The following DNAJC13 variants were observed in gnomAD, a reference collection of about 807,000 sequenced individuals.
DNAJC13 encodes the protein DnaJ heat shock protein family (Hsp40) member C13.
A neutral mutation model predicts 290.5 loss-of-function variants in DNAJC13; 75 were observed. The ratio of observed to expected loss-of-function variants is 0.26; its 90% confidence interval spans 0.21 to 0.31. DNAJC13 has a LOEUF of 0.31. Among genes scored for constraint, DNAJC13 ranks in the 10% least tolerant of loss-of-function variants. The pLI, the probability that DNAJC13 is intolerant of heterozygous loss-of-function variation, is 1.00. For missense variants in DNAJC13, 2,260 were observed against 2,674.5 expected, an observed-to-expected ratio of 0.85 and a Z score of 3.42; for synonymous variants, 862 against 892.0, an observed-to-expected ratio of 0.97 and a Z score of 0.60.
At chr3:132,526,706 A>G (rs1936267521) in intron 53 of DNAJC13, among the ~76,000 whole-genome samples, 1 of 152,234 alleles carries the variant, frequency 6.6e-6, no homozygotes, top group South Asian at 2.1e-4. Context: ...AGTCATGTTT[A>G]AGAAACATGC....
chr3:132,431,452 G>A (rs1462908440), intron 1 of DNAJC13, among the ~76,000 whole-genome samples: 2 of 152,096 alleles, frequency 1.3e-5, no homozygotes, highest in Non-Finnish European at 2.9e-5. Context: ...TCATTGGAAA[G>A]GTGACATTTG....
chr3:132,466,920 CCTT>C (rs1401014991), intron 19 of DNAJC13, among the ~76,000 whole-genome samples: 2 of 152,170 alleles, frequency 1.3e-5, no homozygotes, highest in Non-Finnish European at 2.9e-5. Context: ...TGTCATCACT[CCTT>C]CTCTGTCTGC....
rs529425668 is a variant in DNAJC13 at position 132,529,359 on chromosome 3, T to A, written c.6525+1027T>A. Among the ~76,000 whole-genome samples the A allele has an allele frequency of 1.4e-4, 22 of 152,336 alleles. No individual in the cohort carries two copies. In the South Asian group the frequency reaches 4.6e-3, roughly 32 times the overall value. On this transcript the variant is annotated intron_variant, in intron 54 of 55. Coordinates refer to ENST00000260818, the MANE Select transcript of DNAJC13 (RefSeq NM_015268.4). ...TGATGGACATTTGGGTTATTTCCCC[T>A]ACTAATGTTCCATAGGTTTTAATTG...
chr3:132,537,211 C>CT, intron 55 of DNAJC13: 1 of 456,300 alleles, frequency 2.2e-6, no homozygotes, highest in Admixed American at 2.3e-5. Context: ...CAGGAGCGGG[C>CT]TTTAGATCCG....
At position 132,480,363 on chromosome 3, in the gene DNAJC13, T is replaced by C; in HGVS notation, c.2773-6T>C. On this transcript the variant is annotated splice_polypyrimidine_tract_variant and splice_region_variant and intron_variant, in intron 25 of 55. Coordinates refer to ENST00000260818, the MANE Select transcript of DNAJC13 (RefSeq NM_015268.4). The stretch of plus-strand genomic sequence containing the variant: ...AGATTACGAAAAAAATGTTTTCCTC[T>C]TCCAGAAAAATGTTAAGGATCTCAT... 1 of 1,607,190 alleles carries C rather than the reference T, an allele frequency of 6.2e-7. No homozygotes were observed. Among genetic ancestry groups the C allele is most frequent in the Non-Finnish European group, 8.5e-7 (1 of 1,174,518 alleles).
chr3:132,480,854 C>G (rs1934643515), intron 26 of DNAJC13, among the ~76,000 whole-genome samples: 1 of 152,130 alleles, frequency 6.6e-6, no homozygotes, highest in African/African-American at 2.4e-5. Context: ...AGGACTGATA[C>G]TTAACTTATA....
At chr3:132,435,046 T>C (rs1220702416) in intron 2 of DNAJC13, among the ~76,000 whole-genome samples, 2 of 152,164 alleles carry the variant, frequency 1.3e-5, no homozygotes, top group African/African-American at 4.8e-5. Flanking sequence ...TTTAGGCCTG[T>C]AATGAAATTT....
chr3:132,463,746 A>G lies in DNAJC13; in HGVS notation c.1821A>G (p.Glu607=), dbSNP rs1220272788. ...ATKMQELALS[E]GALPRHLHTA... ...AAATGCAGGAGCTTGCCCTAAGTGA[A>G]GGTGCCTTACCTCGACACTTGCATA... The change falls in exon 17 of 56, where the codon GAA becomes GAG. Residue 607 remains glutamate (E), a synonymous_variant. Transcript: ENST00000260818. 2 of 1,613,540 alleles carry G rather than the reference A, an allele frequency of 1.2e-6. No homozygotes were observed.
At chr3:132,513,443 G>A (rs1367182567) in intron 45 of DNAJC13, among the ~76,000 whole-genome samples, 2 of 152,134 alleles carry the variant, frequency 1.3e-5, no homozygotes, top group African/African-American at 4.8e-5. Context: ...TGATTGCTGT[G>A]TTCCTATGGA....
At chr3:132,488,591 G>A (rs957997557) in intron 30 of DNAJC13, 139 bp downstream of exon 30, 2 of 882,804 alleles carry the variant, frequency 2.3e-6, no homozygotes, top group Non-Finnish European at 3.2e-6. Flanking sequence ...TGTCTAAAGA[G>A]TTGGAAAGCA....
intron 53 of DNAJC13, among the ~76,000 whole-genome samples, chr3:132,527,644 A>G (rs1404551552): frequency 6.6e-6 from 1 of 152,236 alleles, no homozygotes; most frequent in African/African-American, 2.4e-5. Flanking sequence ...ACCTGAAAAA[A>G]GAGGTGCATT....
intron 24 of DNAJC13, among the ~76,000 whole-genome samples, chr3:132,478,435 G>GT (rs1428117591): frequency 6.6e-6 from 1 of 152,154 alleles, no homozygotes; most frequent in African/African-American, 2.4e-5. Flanking sequence ...AAAAGAAATG[G>GT]TGACTTGTAG....
intron 2 of DNAJC13, among the ~76,000 whole-genome samples, chr3:132,442,837 T>G (rs1933116975): frequency 6.6e-6 from 1 of 152,190 alleles, no homozygotes; most frequent in Non-Finnish European, 1.5e-5. Flanking sequence ...TCAATATGAA[T>G]ATTAATTTTT....
Position 132,507,570 on chromosome 3 carries a change from C to G in DNAJC13, c.5115+217C>G, listed in dbSNP as rs539960718. On this transcript the variant is annotated intron_variant, in intron 43 of 55. Transcript: ENST00000260818. ...AATAGCATGTGTTCACTTCATGTCT[C>G]TGTGTCACATTTTGGTAATTCTCTC... 6.6e-5 allele frequency among the ~76,000 whole-genome samples: 10 copies of G among 152,054 alleles called. No individual in the cohort carries two copies. In the South Asian group the frequency reaches 1.9e-3, roughly 28 times the overall value.
At chr3:132,466,995 A>G (rs867323623) in intron 19 of DNAJC13, among the ~76,000 whole-genome samples, 175 bp from the exon 20 acceptor site, 1 of 152,236 alleles carries the variant, frequency 6.6e-6, no homozygotes, top group African/African-American at 2.4e-5. Context: ...ACCTAAGTAG[A>G]AAAGTTAGTT....
chr3:132,513,869 A>G (rs774284952), intron 45 of DNAJC13, among the ~76,000 whole-genome samples: 23 of 152,196 alleles, frequency 1.5e-4, no homozygotes, highest in East Asian at 7.7e-4. Flanking sequence ...AAGAACACCA[A>G]ATGCAACCCT....
intron 21 of DNAJC13, 79 bp from the exon 22 acceptor site, chr3:132,474,853 T>A: frequency 7.9e-6 from 2 of 254,252 alleles, no homozygotes; most frequent in Non-Finnish European, 1.3e-5. Context: ...TTGCTTATTA[T>A]AAGGTCAGTA....
intron 27 of DNAJC13, 46 bp downstream of exon 27, chr3:132,482,376 A>T: frequency 6.8e-7 from 1 of 1,470,468 alleles, no homozygotes; most frequent in African/African-American, 1.4e-5. Flanking sequence ...AGCATTTCTT[A>T]TGCCCTCCTG....
At chr3:132,502,244 T>A in intron 39 of DNAJC13, 45 bp from the exon 40 acceptor site, 1 of 1,457,148 alleles carries the variant, frequency 6.9e-7, no homozygotes. Flanking sequence ...TTTTTTTTTT[T>A]TTTTAACTCT....
Sources: allele counts gnomAD v4.1 joint callset (sites outside exome capture counted in the v4.1 genomes callset), GRCh38; gene constraint gnomAD v4.1.1; transcripts MANE v1.5; gene names NCBI Gene and HGNC (gene_info 2026-07-23, HGNC 2026-07-21).